RIMS1: variants seen among roughly 807,000 people sequenced by gnomAD.
RIMS1 encodes the protein regulating synaptic membrane exocytosis protein 1.
In RIMS1, 83 loss-of-function variants were observed where a neutral mutation model predicts 214.1. That is an observed-to-expected ratio of 0.39 (90% CI 0.32 to 0.47). The LOEUF (loss-of-function observed/expected upper bound fraction) is 0.47. RIMS1 is among the 20% of genes least tolerant of loss of function. The pLI is 0.99. For synonymous variants in RIMS1, 793 were observed against 786.8 expected (o/e 1.01, Z -0.13); for missense variants, 2,050 against 2,161.8 (o/e 0.95, Z 1.03).
At chr6:72,274,279 C>A in intron 22 of RIMS1, 70 bp from the exon 23 acceptor site, 1 of 1,069,466 alleles carries the variant, frequency 9.4e-7, no homozygotes, top group Non-Finnish European at 1.4e-6. Flanking sequence ...TCCTCTTGTT[C>A]CATGTATTCT....
At chr6:72,241,967 T>C (rs2067145947) in intron 9 of RIMS1, among the ~76,000 whole-genome samples, 1 of 152,194 alleles carries the variant, frequency 6.6e-6, no homozygotes, top group Non-Finnish European at 1.5e-5. Context: ...CTGCTAATTA[T>C]TATTTTTTAA....
chr6:72,027,958 A>G (rs576135926), intron 2 of RIMS1, among the ~76,000 whole-genome samples: 153 of 152,196 alleles, frequency 1.0e-3, no homozygotes, highest in African/African-American at 3.3e-3. Context: ...ATTTCCATGT[A>G]TATTTGTTTT....
intron 26 of RIMS1, among the ~76,000 whole-genome samples, chr6:72,306,755 A>G (rs984650067): frequency 1.3e-5 from 2 of 152,222 alleles, no homozygotes; most frequent in Non-Finnish European, 2.9e-5. Context: ...TTAAAGATTT[A>G]TAAGAATGCC....
At chr6:72,061,914 G>C (rs1324130972) in intron 2 of RIMS1, among the ~76,000 whole-genome samples, 1 of 152,166 alleles carries the variant, frequency 6.6e-6, no homozygotes, top group Non-Finnish European at 1.5e-5. Context: ...ATTCATGGCA[G>C]TGTTCATAAA....
intron 1 of RIMS1, among the ~76,000 whole-genome samples, chr6:71,898,453 T>G (rs934312706): frequency 6.6e-6 from 1 of 152,170 alleles, no homozygotes; most frequent in South Asian, 2.1e-4. Context: ...CCATACATAA[T>G]AGGCCTCCAT....
chr6:72,369,557 T>C (rs1056182170), intron 29 of RIMS1, among the ~76,000 whole-genome samples: 1 of 152,200 alleles, frequency 6.6e-6, no homozygotes, highest in African/African-American at 2.4e-5. Context: ...AGGTAGATTT[T>C]CTTCTGTCAG....
At chr6:72,056,928 G>A (rs926398793) in intron 2 of RIMS1, among the ~76,000 whole-genome samples, 1 of 151,992 alleles carries the variant, frequency 6.6e-6, no homozygotes, top group African/African-American at 2.4e-5. Context: ...GCTAAAACAA[G>A]GAAAATATAT....
intron 2 of RIMS1, among the ~76,000 whole-genome samples, chr6:72,071,414 A>T (rs1289806247): frequency 6.6e-6 from 1 of 152,164 alleles, no homozygotes; most frequent in African/African-American, 2.4e-5. Flanking sequence ...TAAAAAACAA[A>T]GAAAGAAAGA....
chr6:71,910,243 A>G (rs1562173836), intron 1 of RIMS1, among the ~76,000 whole-genome samples: 1 of 152,188 alleles, frequency 6.6e-6, no homozygotes, highest in Non-Finnish European at 1.5e-5. Flanking sequence ...TTAAGTAGAA[A>G]TACAAAAACT....
At chr6:72,269,466 A>G (rs1402532033) in intron 22 of RIMS1, among the ~76,000 whole-genome samples, 1 of 152,204 alleles carries the variant, frequency 6.6e-6, no homozygotes, top group East Asian at 1.9e-4. Context: ...ATATGAAGAC[A>G]ACCCTCCACT....
chr6:72,124,577 A>C (rs1348693499), intron 4 of RIMS1, among the ~76,000 whole-genome samples: 2 of 151,850 alleles, frequency 1.3e-5, no homozygotes, highest in Non-Finnish European at 2.9e-5. Context: ...AGTGTTTTCC[A>C]ACTTGGTTCC....
At chr6:72,361,591 A>G (rs758534980) in intron 29 of RIMS1, among the ~76,000 whole-genome samples, 9 of 152,150 alleles carry the variant, frequency 5.9e-5, no homozygotes, top group Admixed American at 2.6e-4. Flanking sequence ...GTTTTTTGCA[A>G]TTATCACCCT....
In RIMS1 at chr6:72,031,964, A is replaced by G. The variant is rs79528276; in HGVS notation, c.245+62901A>G. 8.3e-3 allele frequency among the ~76,000 whole-genome samples: 1,269 copies of G among 152,168 alleles called. 7 individuals are homozygous for G. The highest frequency in any genetic ancestry group is 0.014 in the Non-Finnish European group (938 of 68,016). ...GAATGCATAAGCAAGGTTTTATAAT[A>G]TAATGTAAAGTATTGGCTTTAAGAG... On this transcript the variant is annotated intron_variant, in intron 2 of 33. Coordinates refer to ENST00000521978, the MANE Select transcript of RIMS1 (RefSeq NM_014989.7).
At chr6:72,266,685 T>G (rs1450437040) in intron 22 of RIMS1, among the ~76,000 whole-genome samples, 1 of 152,166 alleles carries the variant, frequency 6.6e-6, no homozygotes, top group Non-Finnish European at 1.5e-5. Flanking sequence ...TAATAAATTC[T>G]GATATATTCA....
At chr6:72,099,412 G>GT (rs1187233367) in intron 3 of RIMS1, among the ~76,000 whole-genome samples, 1 of 151,978 alleles carries the variant, frequency 6.6e-6, no homozygotes, top group East Asian at 1.9e-4. Flanking sequence ...GTATAAAGTT[G>GT]TTTTTTTCTA....
At chr6:72,123,264 C>T (rs1282954943) in intron 4 of RIMS1, among the ~76,000 whole-genome samples, 1 of 151,812 alleles carries the variant, frequency 6.6e-6, no homozygotes, top group Non-Finnish European at 1.5e-5. Context: ...TGTTCAATTT[C>T]CATGTAGTTG....
chr6:72,214,572 A>G (rs4510633), intron 6 of RIMS1, among the ~76,000 whole-genome samples: 80,569 of 152,050 alleles, frequency 0.53, 23,208 homozygotes, highest in East Asian at 0.83. Context: ...GTAAGCCCAT[A>G]CTGGATAATA....
At chr6:72,230,096 A>G (rs1028698471) in intron 6 of RIMS1, among the ~76,000 whole-genome samples, 3 of 151,846 alleles carry the variant, frequency 2.0e-5, no homozygotes, top group African/African-American at 7.2e-5. Context: ...GGGAAGGATA[A>G]TTGTGATTTT....
intron 6 of RIMS1, among the ~76,000 whole-genome samples, chr6:72,185,204 A>T (rs985502345): frequency 2.0e-5 from 3 of 152,200 alleles, no homozygotes; most frequent in Admixed American, 2.0e-4. Flanking sequence ...ATAGTACTGT[A>T]TGGACAAGAT....
Sources: gnomAD v4.1 joint callset for allele counts (sites outside exome capture counted in the v4.1 genomes callset) on GRCh38, gnomAD v4.1.1 for gene constraint, MANE v1.5 for transcripts, NCBI Gene and HGNC (gene_info 2026-07-23, HGNC 2026-07-21) for gene names.